Variants in STK38L observed in about 807,000 individuals in gnomAD.
STK38L encodes the protein serine/threonine kinase 38 like.
STK38L carries 28 observed loss-of-function variants against 59.7 expected under a neutral mutation model. The observed-to-expected ratio is 0.47, with a 90% CI of 0.35 to 0.64. The LOEUF (loss-of-function observed/expected upper bound fraction) is 0.64. Among genes scored for constraint, STK38L ranks in the 30% least tolerant of loss-of-function variants. The pLI is 0.01. For synonymous variants in STK38L, 162 were observed against 176.8 expected (o/e 0.92, Z 0.66); for missense variants, 314 against 555.8 (o/e 0.56, Z 4.37).
chr12:27,272,721 T>G (rs1239082096), intron 1 of STK38L, among the ~76,000 whole-genome samples: 2 of 152,284 alleles, frequency 1.3e-5, no homozygotes, highest in East Asian at 3.9e-4. Flanking sequence ...AAATGTGGTT[T>G]GTTTTTAATG....
At chr12:27,271,924 T>C (rs1943432638) in intron 1 of STK38L, among the ~76,000 whole-genome samples, 1 of 152,192 alleles carries the variant, frequency 6.6e-6, no homozygotes, top group Non-Finnish European at 1.5e-5. Flanking sequence ...GGTCTTGAAC[T>C]CCTGACATCA....
In STK38L at chr12:27,325,365, T is replaced by C. The variant is rs886113787; in HGVS notation, c.*2910T>C. ...ACACCTGCATATTTTTATGTAAATC[T>C]CTAAATTTAAAATATTTTAAGTACA... is the stretch of plus-strand genomic sequence containing the variant. On this transcript the variant is annotated 3_prime_UTR_variant, in exon 14 of 14. Coordinates refer to ENST00000389032, the MANE Select transcript of STK38L (RefSeq NM_015000.4). The C allele has an allele frequency of 3.7e-4, 57 of 152,306 alleles. No individual in the cohort carries two copies. The highest frequency in any genetic ancestry group is 1.3e-3 in the African/African-American group (54 of 41,570). The allele number at this position is 152,306 out of a possible 1,614,324, so 9.4% of individuals were successfully genotyped here.
chr12:27,246,115 A>C (rs1481249328), intron 1 of STK38L, among the ~76,000 whole-genome samples: 1 of 152,250 alleles, frequency 6.6e-6, no homozygotes, highest in East Asian at 1.9e-4. Flanking sequence ...TTTTATGCTG[A>C]AAACTTGATT....
At chr12:27,259,040 T>G (rs971701725) in intron 1 of STK38L, among the ~76,000 whole-genome samples, 12 of 152,242 alleles carry the variant, frequency 7.9e-5, no homozygotes, top group Admixed American at 2.6e-4. Context: ...ATTTGTCTTA[T>G]AGCTTTGCCA....
chr12:27,265,542 C>A (rs977523947), intron 1 of STK38L, among the ~76,000 whole-genome samples: 3 of 152,154 alleles, frequency 2.0e-5, no homozygotes, highest in Non-Finnish European at 4.4e-5. Flanking sequence ...CTTCTGTAAG[C>A]AGAGACCTCT....
rs1188647227 is a variant in STK38L, at chr12:27,258,617, C to T, written c.-12+14285C>T. ...ATGCTGGGATTATAGGCGTGAGCCC[C>T]CGTGCCTGGCCTGGTTGCTTTTTTA... On this transcript the variant is annotated intron_variant, in intron 1 of 13. Transcript: ENST00000389032. 4.6e-5 allele frequency among the ~76,000 whole-genome samples: 7 copies of T among 152,248 alleles called. No individual in the cohort carries two copies. In the East Asian group the frequency reaches 1.3e-3, roughly 29 times the overall value.
intron 1 of STK38L, among the ~76,000 whole-genome samples, chr12:27,268,121 T>C (rs1026075950): frequency 6.6e-6 from 1 of 152,054 alleles, no homozygotes; most frequent in East Asian, 1.9e-4. Flanking sequence ...TGATGCTAAT[T>C]TTTTTTTAAT....
At chr12:27,250,726 C>T (rs762889582) in intron 1 of STK38L, among the ~76,000 whole-genome samples, 11 of 152,146 alleles carry the variant, frequency 7.2e-5, no homozygotes, top group African/African-American at 2.4e-4. Flanking sequence ...TCAGGCCGGG[C>T]GCGGTGACTC....
intron 1 of STK38L, among the ~76,000 whole-genome samples, chr12:27,285,066 T>C (rs1943741727): frequency 6.6e-6 from 1 of 152,228 alleles, no homozygotes; most frequent in Non-Finnish European, 1.5e-5. Flanking sequence ...AGCTCATAGC[T>C]ACTTAGGTCT....
intron 1 of STK38L, among the ~76,000 whole-genome samples, chr12:27,262,004 A>G (rs988223962): frequency 6.6e-6 from 1 of 152,224 alleles, no homozygotes; most frequent in African/African-American, 2.4e-5. Flanking sequence ...TATTAGCAGC[A>G]GCGGCAGCAG....
chr12:27,267,101 T>C (rs1458340990), intron 1 of STK38L, among the ~76,000 whole-genome samples: 1 of 152,242 alleles, frequency 6.6e-6, no homozygotes, highest in Non-Finnish European at 1.5e-5. Flanking sequence ...AAATAGTTAC[T>C]TTCCTAGTCT....
chr12:27,293,117 C>T (rs956960223), intron 1 of STK38L, among the ~76,000 whole-genome samples: 3 of 152,176 alleles, frequency 2.0e-5, no homozygotes, highest in African/African-American at 7.2e-5. Flanking sequence ...ATGCCTGGCT[C>T]TATTTTTATA....
At chr12:27,301,404 G>A (rs958501363) in intron 2 of STK38L, among the ~76,000 whole-genome samples, 5 of 152,108 alleles carry the variant, frequency 3.3e-5, no homozygotes, top group African/African-American at 4.8e-5. Context: ...GACTACAGGC[G>A]CCAGCCACCA....
In STK38L at chr12:27,314,523, A is replaced by G. The variant is rs1591939655; in HGVS notation, c.537A>G (p.Leu179=). ...FLPGGDMMTL[L]MKKDTLTEEE... The stretch of plus-strand genomic sequence containing the variant: ...ATTTAGGTGACATGATGACATTGCT[A>G]ATGAAGAAAGACACCTTGACAGAAG... The change falls in exon 7 of 14, where the codon CTA becomes CTG. Residue 179 remains leucine (L), a synonymous_variant. Coordinates refer to ENST00000389032, the MANE Select transcript of STK38L (RefSeq NM_015000.4). 3 of 1,578,412 alleles carry G rather than the reference A, an allele frequency of 1.9e-6. No homozygotes were observed. The East Asian group carries it at 7.0e-5, about 37-fold the overall frequency.
intron 2 of STK38L, chr12:27,298,090 A>C: frequency 2.4e-6 from 1 of 410,046 alleles, no homozygotes; most frequent in Non-Finnish European, 4.3e-6. Context: ...TTAACGTTTT[A>C]AACAAACCTT....
In STK38L at chr12:27,309,183, C is replaced by G. The variant is rs1272030961; in HGVS notation, c.379C>G (p.Leu127Val). The G allele has an allele frequency of 1.3e-6, 2 of 1,598,572 alleles. No homozygotes were observed. The part of the protein sequence containing the change: ...AMKILRKSDM[L>V]EKEQVAHIRA... ...GAAGATATTGAGAAAGTCTGATATG[C>G]TTGAAAAAGAGCAGGTATGAGTTCT... is the stretch of plus-strand genomic sequence containing the variant. The change falls in exon 5 of 14, where the codon CTT becomes GTT. Residue 127 changes from leucine (L) to valine (V), a missense_variant. Transcript: ENST00000389032.
At chr12:27,253,585 T>C (rs923149057) in intron 1 of STK38L, among the ~76,000 whole-genome samples, 2 of 151,818 alleles carry the variant, frequency 1.3e-5, no homozygotes, top group Non-Finnish European at 2.9e-5. Flanking sequence ...TTCACAGGGG[T>C]AGAAATAGCT....
At chr12:27,298,716 A>C (rs1034010403) in intron 2 of STK38L, among the ~76,000 whole-genome samples, 1 of 152,192 alleles carries the variant, frequency 6.6e-6, no homozygotes, top group African/African-American at 2.4e-5. Flanking sequence ...CTATTTATAC[A>C]TGCATAAAAG....
intron 1 of STK38L, among the ~76,000 whole-genome samples, chr12:27,274,230 T>C (rs1943484167): frequency 1.5e-5 from 1 of 65,638 alleles, no homozygotes; most frequent in African/African-American, 4.8e-5. Context: ...AGCAAGACTC[T>C]GTCAAAAAAA....
Sources: allele counts gnomAD v4.1 joint callset (sites outside exome capture counted in the v4.1 genomes callset), GRCh38; gene constraint gnomAD v4.1.1; transcripts MANE v1.5; gene names NCBI Gene and HGNC (gene_info 2026-07-23, HGNC 2026-07-21).